The following GPT2 variants were observed in gnomAD, a reference collection of about 807,000 sequenced individuals.
GPT2 encodes the protein alanine aminotransferase 2.
A neutral mutation model predicts 56.9 loss-of-function variants in GPT2; 30 were observed. The ratio of observed to expected loss-of-function variants is 0.53; its 90% CI spans 0.39 to 0.72. GPT2 has a LOEUF of 0.72. GPT2 is among the 30% of genes least tolerant of loss of function. The pLI, the probability that GPT2 is intolerant of heterozygous loss-of-function variation, is 0.00. For synonymous variants in GPT2, 271 were observed against 283.1 expected (o/e 0.96, Z 0.43); for missense variants, 542 against 703.4 (o/e 0.77, Z 2.60).
chr16:46,929,771 G>A lies in GPT2; in HGVS notation c.*774G>A, dbSNP rs549752853. 1 of 152,542 alleles carries A rather than the reference G, an allele frequency of 6.6e-6. No individual in the cohort carries two copies. Among genetic ancestry groups the A allele is most frequent in the African/African-American group, 2.4e-5 (1 of 41,598 alleles). 9.4% of individuals were successfully genotyped at this position (152,542 alleles called of 1,614,324 possible). ...GTCTGAGAGGTCTCCCTGAATTTCA[G>A]TGACACATAGTGCAGCCCGGCAGTG... On this transcript the variant is annotated 3_prime_UTR_variant, in exon 12 of 12. Coordinates refer to ENST00000340124, the MANE Select transcript of GPT2 (RefSeq NM_133443.4).
chr16:46,921,033 T>C (rs1279943257), intron 8 of GPT2, among the ~76,000 whole-genome samples: 1 of 152,228 alleles, frequency 6.6e-6, no homozygotes, highest in Non-Finnish European at 1.5e-5. Context: ...GTTCTTTCTT[T>C]CCATTTTTGT....
rs534219665 is a variant in GPT2, at chr16:46,906,855, T to A, written c.456T>A (p.Ala152=). Residue 152 remains alanine (A), a synonymous_variant, in exon 5 of 12, where the codon GCT becomes GCA. Transcript: ENST00000340124. Reference sequence around the variant, plus strand: ...GCTGTCTTACAGGGTCCTACAGTGCTAGCCAGGGTGTCAACTGCATCCGTG... The same window carrying A: ...GCTGTCTTACAGGGTCCTACAGTGCAAGCCAGGGTGTCAACTGCATCCGTG... The part of the protein sequence containing the change: ...CGGNSLGSYS[A]SQGVNCIRED... The A allele has an allele frequency of 7.4e-6, 12 of 1,614,216 alleles. No individual in the cohort carries two copies. The East Asian group carries it at 2.2e-4, about 30-fold the overall frequency.
intron 6 of GPT2, among the ~76,000 whole-genome samples, chr16:46,911,469 T>A (rs544599124): frequency 9.2e-5 from 14 of 152,302 alleles, no homozygotes; most frequent in Non-Finnish European, 1.3e-4. Flanking sequence ...ACTGGCTTGT[T>A]TACCCCAGCT....
At chr16:46,896,636 G>GT (rs916565440) in intron 2 of GPT2, among the ~76,000 whole-genome samples, 1 of 152,158 alleles carries the variant, frequency 6.6e-6, no homozygotes, top group Admixed American at 6.5e-5. Flanking sequence ...ATGCAGAGGA[G>GT]TCTGGGACCC....
At chr16:46,924,690 T>A (rs1428588772) in intron 10 of GPT2, 146 bp downstream of exon 10, 1 of 822,774 alleles carries the variant, frequency 1.2e-6, no homozygotes, top group Non-Finnish European at 1.9e-6. Context: ...GTGTTGACCG[T>A]GTAAAGATGA....
intron 7 of GPT2, among the ~76,000 whole-genome samples, chr16:46,917,730 A>T (rs1183569732): frequency 6.6e-6 from 1 of 151,986 alleles, no homozygotes; most frequent in Non-Finnish European, 1.5e-5. Context: ...ACATATACAT[A>T]TGTACATACA....
chr16:46,896,905 A>G (rs1484031924), intron 2 of GPT2, among the ~76,000 whole-genome samples: 1 of 152,124 alleles, frequency 6.6e-6, no homozygotes, highest in Non-Finnish European at 1.5e-5. Flanking sequence ...ACTTACATTA[A>G]TCAGTTATGT....
chr16:46,889,125 C>G (rs1454604984), intron 2 of GPT2, among the ~76,000 whole-genome samples: 4 of 152,122 alleles, frequency 2.6e-5, no homozygotes, highest in African/African-American at 9.7e-5. Context: ...TTCCTGGGCT[C>G]AAGCGATCCT....
Position 46,924,536 on chromosome 16 carries a change from G to T in GPT2, c.1360G>T (p.Ala454Ser), listed in dbSNP as rs1961363155. The T allele has an allele frequency of 1.2e-6, 2 of 1,614,174 alleles. No homozygotes were observed. The highest frequency in any genetic ancestry group is 1.7e-6 in the Non-Finnish European group (2 of 1,180,004). The part of the protein sequence containing the change: ...RIFIPAKAVE[A>S]AQAHQMAPDM... ...CTTCATTCCTGCCAAAGCTGTGGAG[G>T]CTGCTCAGGTCTGGGGCATGGGCTG... Residue 454 changes from alanine (A) to serine (S), a missense_variant, in exon 10 of 12, where the codon GCT becomes TCT. Coordinates refer to ENST00000340124, the MANE Select transcript of GPT2 (RefSeq NM_133443.4).
intron 4 of GPT2, among the ~76,000 whole-genome samples, chr16:46,903,727 A>G (rs1596869260): frequency 6.6e-6 from 1 of 152,190 alleles, no homozygotes. Flanking sequence ...GCCCTTGTCA[A>G]GCCCCTCCCT....
Position 46,913,180 on chromosome 16 carries a change from A to C in GPT2, c.820+3253A>C, listed in dbSNP as rs184509611. The stretch of plus-strand genomic sequence containing the variant: ...AGAACTAAGTTCTGCCCTTATCCTC[A>C]CGCTGTGTGTAACAGCAGTATTATT... On this transcript the variant is annotated intron_variant, in intron 6 of 11. Coordinates refer to ENST00000340124, the MANE Select transcript of GPT2 (RefSeq NM_133443.4). 6.1e-4 allele frequency among the ~76,000 whole-genome samples: 93 copies of C among 152,194 alleles called. 1 individual carries two copies. The East Asian group carries it at 0.015, about 25-fold the overall frequency.
At chr16:46,926,873 AT>A in intron 10 of GPT2, 51 bp from the exon 11 acceptor site, 1 of 1,229,798 alleles carries the variant, frequency 8.1e-7, no homozygotes, top group Non-Finnish European at 1.1e-6. Flanking sequence ...TGAGGGTTGA[AT>A]GGTGTGTTTG....
intron 2 of GPT2, 93 bp from the exon 3 acceptor site, chr16:46,897,555 G>A: frequency 1.7e-6 from 2 of 1,180,734 alleles, no homozygotes; most frequent in Non-Finnish European, 2.5e-6. Flanking sequence ...AAATAGGGCT[G>A]TTTATTAATA....
chr16:46,890,221 C>T (rs1231201668), intron 2 of GPT2, among the ~76,000 whole-genome samples: 1 of 152,180 alleles, frequency 6.6e-6, no homozygotes, highest in Non-Finnish European at 1.5e-5. Context: ...GTGAAATGGA[C>T]CTGTTTTCTG....
intron 2 of GPT2, among the ~76,000 whole-genome samples, chr16:46,890,316 TG>T (rs776749788): frequency 3.3e-5 from 5 of 152,202 alleles, no homozygotes; most frequent in African/African-American, 1.2e-4. Flanking sequence ...GTGCCCTTTT[TG>T]GGATCAGGAG....
In GPT2 at chr16:46,897,606, A is replaced by G. The variant is rs200882802; in HGVS notation, c.244-42A>G. On this transcript the variant is annotated intron_variant, in intron 2 of 11. Transcript: ENST00000340124. ...GCCTGGCCTCTGGAATCCAGGGTTT[A>G]AGAGTTTCTAAGTAACCACCTGTTG... 3.7e-4 allele frequency: 586 copies of G among 1,581,620 alleles called. 1 individual carries two copies. Among genetic ancestry groups the G allele is most frequent in the Non-Finnish European group, 4.2e-4 (481 of 1,150,832 alleles).
rs770675099 is a variant in GPT2, at chr16:46,927,094, A to T, written c.1481+57A>T. ...CCGGGTCTTGTCCAGGGAAATGTGGACTTCTTGACATGGAGCAGAGGACTA... is the reference window on the plus strand; with the variant it reads ...CCGGGTCTTGTCCAGGGAAATGTGGTCTTCTTGACATGGAGCAGAGGACTA... On this transcript the variant is annotated intron_variant, in intron 11 of 11. Transcript: ENST00000340124. 26 of 1,090,716 alleles carry T rather than the reference A, an allele frequency of 2.4e-5. No homozygotes were observed. In the Middle Eastern group the frequency reaches 6.7e-4, roughly 28 times the overall value. The allele number at this position is 1,090,716 out of a possible 1,614,324, so 67.6% of individuals were successfully genotyped here.
At chr16:46,927,168 A>G (rs542388840) in intron 11 of GPT2, 131 bp downstream of exon 11, 3 of 519,780 alleles carry the variant, frequency 5.8e-6, no homozygotes, top group East Asian at 6.5e-5. Context: ...AGTCACCCCT[A>G]CTCTGTCCTG....
At chr16:46,907,088 GC>G in intron 5 of GPT2, 113 bp downstream of exon 5, 1 of 1,420,860 alleles carries the variant, frequency 7.0e-7, no homozygotes, top group Non-Finnish European at 9.7e-7. Flanking sequence ...AGCACGGGTG[GC>G]CACCCTCTGG....
Sources: gnomAD v4.1 joint callset for allele counts (sites outside exome capture counted in the v4.1 genomes callset) on GRCh38, gnomAD v4.1.1 for gene constraint, MANE v1.5 for transcripts, NCBI Gene and HGNC (gene_info 2026-07-23, HGNC 2026-07-21) for gene names.